Variants in FLT1 observed in about 807,000 individuals in gnomAD.
FLT1 encodes vascular endothelial growth factor receptor 1.
FLT1 carries 49 observed loss-of-function variants against 156.3 expected under a neutral mutation model. The ratio of observed to expected loss-of-function variants is 0.31; its 90% CI spans 0.25 to 0.40. The LOEUF (loss-of-function observed/expected upper bound fraction) is 0.40, where lower values mean the gene tolerates loss of function less well. Among genes scored for constraint, FLT1 ranks in the 10% least tolerant of loss-of-function variants. The pLI, the probability that FLT1 is intolerant of heterozygous loss-of-function variation, is 1.00. For synonymous variants in FLT1, 594 were observed against 583.8 expected (o/e 1.02, Z -0.25); for missense variants, 1,322 against 1,637.2 (o/e 0.81, Z 3.32).
intron 16 of FLT1, among the ~76,000 whole-genome samples, chr13:28,342,034 C>T (rs772593852): frequency 3.1e-4 from 47 of 152,126 alleles, no homozygotes; most frequent in Non-Finnish European, 5.4e-4. Flanking sequence ...AGGCGCCTGC[C>T]ACCATGCCCA....
rs1198904737 is a variant in FLT1, at chr13:28,405,839, T to C, written c.1492A>G (p.Met498Val). The change falls in exon 11 of 30, where the codon ATG (methionine) becomes GTG (valine). Residue 498 changes from methionine to valine, a missense_variant. Met to Val is a conservative substitution (Grantham distance 21). Coordinates refer to ENST00000282397, the MANE Select transcript of FLT1 (RefSeq NM_002019.4). ...ESFILDADSNMGNRIESITQR... is the reference protein window; with the variant it reads ...ESFILDADSNVGNRIESITQR... The stretch of plus-strand genomic sequence containing the variant: ...GTGATGCTCTCAATTCTGTTTCCCA[T>C]GTTGCTGTCAGCATCCAGGATAAAG... The C allele has an allele frequency of 1.2e-6, 2 of 1,611,414 alleles. No individual in the cohort carries two copies. The highest frequency in any genetic ancestry group is 1.3e-5 in the African/African-American group (1 of 74,974).
intron 15 of FLT1, among the ~76,000 whole-genome samples, chr13:28,353,661 T>C (rs1370916580): frequency 6.6e-6 from 1 of 152,042 alleles, no homozygotes; most frequent in East Asian, 1.9e-4. Context: ...TTGGATGAAA[T>C]TGTAACAGCC....
chr13:28,437,369 C>G (rs1001997580), intron 4 of FLT1, among the ~76,000 whole-genome samples: 1 of 152,178 alleles, frequency 6.6e-6, no homozygotes, highest in Non-Finnish European at 1.5e-5. Context: ...ATTCTCTGAA[C>G]TTTTCCAGCC....
chr13:28,453,697 C>T lies in FLT1; in HGVS notation c.388+13206G>A, dbSNP rs143008980. ...TCACATGACATGATTTTGACCCCCACATTTGTCTCATTTTCTCAATGTGCC... is the reference window on the plus strand; with the variant it reads ...TCACATGACATGATTTTGACCCCCATATTTGTCTCATTTTCTCAATGTGCC... On this transcript the variant is annotated intron_variant, in intron 3 of 29. Coordinates refer to ENST00000282397, the MANE Select transcript of FLT1 (RefSeq NM_002019.4). Among the ~76,000 whole-genome samples the T allele has an allele frequency of 5.4e-4, 83 of 152,316 alleles. No individual in the cohort carries two copies. In the East Asian group the frequency reaches 0.015, roughly 28 times the overall value.
At chr13:28,312,706 G>A (rs1871054856) in intron 25 of FLT1, among the ~76,000 whole-genome samples, 1 of 152,104 alleles carries the variant, frequency 6.6e-6, no homozygotes, top group Non-Finnish European at 1.5e-5. Context: ...ACATGACTTT[G>A]TCACTTCCAG....
At chr13:28,396,028 G>A (rs1371663278) in intron 12 of FLT1, among the ~76,000 whole-genome samples, 3 of 152,204 alleles carry the variant, frequency 2.0e-5, no homozygotes, top group Non-Finnish European at 4.4e-5. Context: ...TTGCTCATCT[G>A]GAAAATACAA....
chr13:28,344,711 G>T (rs1016928848), intron 16 of FLT1, among the ~76,000 whole-genome samples: 1 of 149,676 alleles, frequency 6.7e-6, no homozygotes, highest in African/African-American at 2.5e-5. Flanking sequence ...ATTTTGTGGT[G>T]TGACTCAGAA....
chr13:28,467,580 C>T lies in FLT1; in HGVS notation c.102G>A (p.Leu34=). 6.2e-7 allele frequency: 1 copy of T among 1,610,102 alleles called. No individual in the cohort carries two copies. Among genetic ancestry groups the T allele is most frequent in the Non-Finnish European group, 8.5e-7 (1 of 1,177,774 alleles). The change falls in exon 2 of 30, where the codon CTG becomes CTA. Residue 34 remains leucine (L), a synonymous_variant. Transcript: ENST00000282397. The stretch of plus-strand genomic sequence containing the variant: ...TGATGTGCTGGGTGCCTTTTAAACT[C>T]AGTTCAGGATCTTTTAATTTTGAAC... ...SSGSKLKDPE[L]SLKGTQHIMQ... is the part of the protein sequence containing the mutation.
intron 11 of FLT1, among the ~76,000 whole-genome samples, chr13:28,401,884 A>G (rs1213800467): frequency 6.6e-6 from 1 of 152,234 alleles, no homozygotes; most frequent in Admixed American, 6.5e-5. Flanking sequence ...ACACATTAAA[A>G]TGGTAATGAT....
intron 24 of FLT1, among the ~76,000 whole-genome samples, chr13:28,319,205 T>C (rs1390131921): frequency 6.6e-6 from 1 of 152,200 alleles, no homozygotes; most frequent in East Asian, 1.9e-4. Flanking sequence ...CATGACCTTG[T>C]TCTGACCTTG....
intron 3 of FLT1, among the ~76,000 whole-genome samples, chr13:28,448,587 G>T (rs542702532): frequency 6.6e-6 from 1 of 152,252 alleles, no homozygotes; most frequent in South Asian, 2.1e-4. Flanking sequence ...TAGATAAGTG[G>T]TTGTTTAGGG....
At chr13:28,335,218 T>G (rs1324055) in intron 17 of FLT1, among the ~76,000 whole-genome samples, 133,964 of 152,154 alleles carry the variant, frequency 0.88, 59,805 homozygotes, top group Non-Finnish European at 0.96. Flanking sequence ...GTGAAGTAAG[T>G]CAGTCTTTTT....
intron 18 of FLT1, among the ~76,000 whole-genome samples, chr13:28,332,251 T>A (rs1333923005): frequency 6.6e-6 from 1 of 151,932 alleles, no homozygotes; most frequent in Non-Finnish European, 1.5e-5. Context: ...AAATCTCAAG[T>A]CAGAATCTTC....
At chr13:28,369,985 A>C (rs2137426662) in intron 14 of FLT1, among the ~76,000 whole-genome samples, 1 of 152,230 alleles carries the variant, frequency 6.6e-6, no homozygotes, top group Middle Eastern at 3.4e-3. Flanking sequence ...GGACAGCTTG[A>C]GCCCAGGAGT....
intron 14 of FLT1, among the ~76,000 whole-genome samples, chr13:28,380,289 A>G (rs1481792905): frequency 6.6e-6 from 1 of 152,240 alleles, no homozygotes; most frequent in Admixed American, 6.5e-5. Context: ...AAAAAGAAAT[A>G]GTCATAAAAG....
At position 28,458,941 on chromosome 13, in the gene FLT1, C is replaced by T. The variant is rs79526622; in HGVS notation, c.388+7962G>A. Among the ~76,000 whole-genome samples, 8 of 152,148 alleles carry T rather than the reference C, an allele frequency of 5.3e-5. No individual in the cohort carries two copies. The East Asian group carries it at 1.5e-3, about 29-fold the overall frequency. ...TTTCCCAAGAAAAAAACTGCGATTG[C>T]AAACAACATCATCAGTGTGTATTTT... is the stretch of plus-strand genomic sequence containing the variant. On this transcript the variant is annotated intron_variant, in intron 3 of 29. Transcript: ENST00000282397.
At chr13:28,366,172 A>G (rs1380277698) in intron 14 of FLT1, among the ~76,000 whole-genome samples, 1 of 152,140 alleles carries the variant, frequency 6.6e-6, no homozygotes, top group Non-Finnish European at 1.5e-5. Context: ...ACTTATATAG[A>G]TCTACTGTGA....
At position 28,362,826 on chromosome 13, in the gene FLT1, A is replaced by T. The variant is rs533261771; in HGVS notation, c.2117-5141T>A. Among the ~76,000 whole-genome samples, 36 of 152,282 alleles carry T rather than the reference A, an allele frequency of 2.4e-4. No individual in the cohort carries two copies. In the Middle Eastern group the frequency reaches 0.014, roughly 58 times the overall value. ...TGGCACAGATTCCTCTTTCTAGCCC[A>T]AGGAGGAGAGGAGATGGGGTGAGAA... On this transcript the variant is annotated intron_variant, in intron 14 of 29. Transcript: ENST00000282397.
chr13:28,400,378 A>C lies in FLT1; in HGVS notation c.1552-3310T>G, dbSNP rs182878318. 2.9e-3 allele frequency among the ~76,000 whole-genome samples: 435 copies of C among 152,368 alleles called. 2 individuals carry two copies. The highest frequency in any genetic ancestry group is 9.9e-3 in the African/African-American group (411 of 41,582). On this transcript the variant is annotated intron_variant, in intron 11 of 29. Coordinates refer to ENST00000282397, the MANE Select transcript of FLT1 (RefSeq NM_002019.4). ...TCACTAAAGAAGAAAAGTTAAAAAT[A>C]AGGTGAAACATATCCTATGATCAGT... is the stretch of plus-strand genomic sequence containing the variant.
Sources: allele counts gnomAD v4.1 joint callset (sites outside exome capture counted in the v4.1 genomes callset), GRCh38; gene constraint gnomAD v4.1.1; transcripts MANE v1.5; gene names NCBI Gene and HGNC (gene_info 2026-07-23, HGNC 2026-07-21).